TTC28: variants seen among roughly 807,000 people sequenced by gnomAD.
TTC28 encodes the protein tetratricopeptide repeat domain 28.
Under a neutral mutation model 198.0 loss-of-function variants are expected in TTC28, and 61 were observed. The observed-to-expected ratio is 0.31, with a 90% CI of 0.25 to 0.38. The LOEUF (loss-of-function observed/expected upper bound fraction) is 0.38. TTC28 is among the 10% of genes least tolerant of loss of function. The pLI, the probability that TTC28 is intolerant of heterozygous loss-of-function variation, is 1.00. For missense variants in TTC28, 2,678 were observed against 3,164.0 expected, an observed-to-expected ratio of 0.85 and a Z score of 3.69; for synonymous variants, 1,171 against 1,297.8, an observed-to-expected ratio of 0.90 and a Z score of 2.10.
At chr22:28,637,158 G>A (rs62235678) in intron 1 of TTC28, among the ~76,000 whole-genome samples, 2,445 of 151,820 alleles carry the variant, frequency 0.016, 18 homozygotes, top group Non-Finnish European at 0.023. Context: ...ACAGGCACCC[G>A]CCACCATGCC....
At position 27,989,819 on chromosome 22, in the gene TTC28, A is replaced by G. The variant is rs929683380; in HGVS notation, c.5707+59T>C. 31 of 1,519,414 alleles carry G rather than the reference A, an allele frequency of 2.0e-5. No homozygotes were observed. The African/African-American group carries it at 3.2e-4, about 16-fold the overall frequency. The allele number at this position is 1,519,414 out of a possible 1,614,324, so 94.1% of individuals were successfully genotyped here. A position where few individuals can be genotyped will look rare whatever the true frequency, so the allele number is the denominator to read the frequency against. ...TTGCCCAACAGAAACCAGGAGGAAAAACAGAGATTTAAAAGATGGAATTCA... is the reference window on the plus strand; with the variant it reads ...TTGCCCAACAGAAACCAGGAGGAAAGACAGAGATTTAAAAGATGGAATTCA... On this transcript the variant is annotated intron_variant, in intron 21 of 22. Coordinates refer to ENST00000397906, the MANE Select transcript of TTC28 (RefSeq NM_001145418.2).
intron 1 of TTC28, among the ~76,000 whole-genome samples, chr22:28,634,505 CAAAAAAAAAAAAAAAA>C (rs900765994): frequency 6.6e-5 from 3 of 45,548 alleles, no homozygotes; most frequent in Non-Finnish European, 1.4e-4. Flanking sequence ...GACTCCATCT[CAAAAAAAAAAAAAAAA>C]AAAGAAACGG....
In TTC28 at chr22:27,998,856, C is replaced by T; in HGVS notation, c.4803G>A (p.Leu1601=). The part of the protein sequence containing the change: ...DGESISDCPP[L]QELLLTAADV... ...CGGCGGCAGTAAGCAGCAGCTCCTG[C>T]AGGGGCGGGCAGTCCGAGATGCTCT... The change falls in exon 16 of 23, where the codon CTG becomes CTA. Residue 1601 remains leucine, a synonymous_variant. Transcript: ENST00000397906. The T allele has an allele frequency of 1.9e-6, 3 of 1,550,084 alleles. No individual in the cohort carries two copies. Among genetic ancestry groups the T allele is most frequent in the South Asian group, 1.2e-5 (1 of 84,056 alleles).
intron 5 of TTC28, among the ~76,000 whole-genome samples, chr22:28,206,283 C>A (rs1032782939): frequency 3.3e-5 from 5 of 152,060 alleles, no homozygotes; most frequent in African/African-American, 9.7e-5. Context: ...AATGCTCTGG[C>A]CCCCTCAAAT....
At chr22:28,587,346 G>A (rs952002432) in intron 2 of TTC28, among the ~76,000 whole-genome samples, 1 of 151,966 alleles carries the variant, frequency 6.6e-6, no homozygotes, top group Non-Finnish European at 1.5e-5. Flanking sequence ...CTCCAACCTG[G>A]GTGTGAGAGT....
chr22:27,982,701 T>C lies in TTC28; in HGVS notation c.6966A>G (p.Pro2322=). ...HQSPAGSAPS[P]ALSYSSAGSA... Reference sequence around the variant, plus strand: ...ATCCAGCTGAGGAGTAGGAGAGAGCTGGGGAGGGTGCACTGCCAGCAGGAG... The same window carrying C: ...ATCCAGCTGAGGAGTAGGAGAGAGCCGGGGAGGGTGCACTGCCAGCAGGAG... Residue 2322 remains proline (P), a synonymous_variant, in exon 23 of 23, where the codon CCA becomes CCG. Coordinates refer to ENST00000397906, the MANE Select transcript of TTC28 (RefSeq NM_001145418.2). This position sits in a 1 kb window ranked among gnomAD's most constrained non-coding sequence, Gnocchi z 5.2. The C allele has an allele frequency of 6.4e-7, 1 of 1,551,378 alleles. No individual in the cohort carries two copies. The highest frequency in any genetic ancestry group is 8.7e-7 in the Non-Finnish European group (1 of 1,146,876).
intron 21 of TTC28, among the ~76,000 whole-genome samples, chr22:27,986,822 T>C (rs1937232550): frequency 6.6e-6 from 1 of 152,164 alleles, no homozygotes. Flanking sequence ...CTATGGGACA[T>C]TTTCCTCTGA....
intron 1 of TTC28, among the ~76,000 whole-genome samples, chr22:28,654,762 G>A: frequency 6.6e-6 from 1 of 152,162 alleles, no homozygotes; most frequent in Non-Finnish European, 1.5e-5. Flanking sequence ...CCTTAGGTGG[G>A]AAGTGGGAAA....
rs1937171017 is a variant in TTC28, at chr22:27,985,248, CCAAA to C, written c.5812_5815del (p.Phe1938IlefsTer57). 6.4e-7 allele frequency: 1 copy of C among 1,550,488 alleles called. No homozygotes were observed. Among genetic ancestry groups the C allele is most frequent in the Non-Finnish European group, 8.7e-7 (1 of 1,146,122 alleles). On this transcript the variant is annotated frameshift_variant and splice_region_variant, in exon 22 of 23. Coordinates refer to ENST00000397906, the MANE Select transcript of TTC28 (RefSeq NM_001145418.2). LOFTEE classifies it low-confidence loss of function (END_TRUNC). Reference sequence around the variant, plus strand: ...GAACTGGTCTGAGGGCAGGCTCTTACCAAACAGAGACAGCAGGGACTGGAGCGCG... The same window carrying C: ...GAACTGGTCTGAGGGCAGGCTCTTACCAGAGACAGCAGGGACTGGAGCGCG...
chr22:28,101,782 TAAAAAAAAAAAA>T (rs11459818), intron 8 of TTC28, among the ~76,000 whole-genome samples: 6,903 of 53,458 alleles, frequency 0.13, 343 homozygotes, highest in South Asian at 0.22. Flanking sequence ...CCATCTCTGT[TAAAAAAAAAAAA>T]AAAAAAAAAA....
chr22:28,585,977 TAAA>T (rs892582692), intron 2 of TTC28, among the ~76,000 whole-genome samples: 1 of 141,546 alleles, frequency 7.1e-6, no homozygotes. Context: ...AAGGTACAAT[TAAA>T]AAAAAAAAAA....
chr22:28,340,205 G>A (rs1477660405), intron 2 of TTC28, among the ~76,000 whole-genome samples: 1 of 152,014 alleles, frequency 6.6e-6, no homozygotes, highest in African/African-American at 2.4e-5. Flanking sequence ...CTTCTCTGGG[G>A]CTTCGTTCCA....
intron 3 of TTC28, among the ~76,000 whole-genome samples, chr22:28,304,815 T>C (rs749292196): frequency 6.6e-6 from 1 of 152,170 alleles, no homozygotes; most frequent in African/African-American, 2.4e-5. Flanking sequence ...ATGTTCCATG[T>C]AAATTCCCTG....
chr22:28,347,769 T>G (rs1327801686), intron 2 of TTC28, among the ~76,000 whole-genome samples: 1 of 152,078 alleles, frequency 6.6e-6, no homozygotes, highest in African/African-American at 2.4e-5. Flanking sequence ...GCTACTCAAG[T>G]GGCTGAGGCA....
At chr22:28,572,453 A>C (rs956928624) in intron 2 of TTC28, among the ~76,000 whole-genome samples, 6 of 152,248 alleles carry the variant, frequency 3.9e-5, no homozygotes, top group African/African-American at 1.4e-4. Flanking sequence ...AATTCTATAA[A>C]GGATTGAAAA....
intron 12 of TTC28, among the ~76,000 whole-genome samples, chr22:28,066,325 G>A (rs539624880): frequency 1.4e-3 from 213 of 151,744 alleles, no homozygotes; most frequent in African/African-American, 4.6e-3. Flanking sequence ...GTGTGTGTGC[G>A]CGCGCGCATG....
chr22:28,137,974 C>T (rs1943240756), intron 6 of TTC28, among the ~76,000 whole-genome samples: 1 of 152,024 alleles, frequency 6.6e-6, no homozygotes. Context: ...GAGATCGCGC[C>T]ACTGCACTCC....
chr22:28,211,035 C>T (rs1408796832), intron 5 of TTC28, among the ~76,000 whole-genome samples: 1 of 152,064 alleles, frequency 6.6e-6, no homozygotes, highest in African/African-American at 2.4e-5. Flanking sequence ...CCAAACTAAG[C>T]TTCATAATTG....
intron 2 of TTC28, among the ~76,000 whole-genome samples, chr22:28,459,616 G>A (rs555441368): frequency 6.6e-6 from 1 of 152,246 alleles, no homozygotes; most frequent in South Asian, 2.1e-4. Context: ...TATATCAGCA[G>A]TCTGCTTTCT....
Sources: allele counts gnomAD v4.1 joint callset (sites outside exome capture counted in the v4.1 genomes callset), GRCh38; gene constraint gnomAD v4.1.1; non-coding constraint Gnocchi (gnomAD v3.1); transcripts MANE v1.5; gene names NCBI Gene and HGNC (gene_info 2026-07-23, HGNC 2026-07-21).